CLCF1: variants seen among roughly 807,000 people sequenced by gnomAD.
The protein encoded by CLCF1 is cardiotrophin-like cytokine factor 1.
CLCF1 carries 10 observed loss-of-function variants against 21.2 expected under a neutral mutation model. The observed-to-expected ratio is 0.47, with a 90% CI of 0.29 to 0.80. The LOEUF (loss-of-function observed/expected upper bound fraction) is 0.80. CLCF1 is among the 30% of genes least tolerant of loss of function. The pLI, the probability that CLCF1 is intolerant of heterozygous loss-of-function variation, is 0.09. For missense variants in CLCF1, 240 were observed against 293.4 expected (o/e 0.82, Z 1.33); for synonymous variants, 115 against 120.5 (o/e 0.95, Z 0.30).
chr11:67,365,582 G>T lies in CLCF1; in HGVS notation c.232C>A (p.Arg78Ser). ...CTGGGCAGAGTCTCTGCCCCCAGGCGGGGAGGGTTGAAGTCTGGCTCGTTG... is the reference window on the plus strand; with the variant it reads ...CTGGGCAGAGTCTCTGCCCCCAGGCTGGGAGGGTTGAAGTCTGGCTCGTTG... ...PFNEPDFNPPRLGAETLPRAT... is the reference protein window; with the variant it reads ...PFNEPDFNPPSLGAETLPRAT... Residue 78 changes from arginine to serine, a missense_variant, in exon 3 of 3, where the codon CGC becomes AGC. By Grantham distance (110) the Arg-to-Ser change is moderately radical. Coordinates refer to ENST00000312438, the MANE Select transcript of CLCF1 (RefSeq NM_013246.3). This position sits in a 1 kb window ranked among gnomAD's most constrained non-coding sequence, Gnocchi z 5.0. The T allele has an allele frequency of 1.2e-6, 2 of 1,613,802 alleles. No individual in the cohort carries two copies. The highest frequency in any genetic ancestry group is 8.5e-7 in the Non-Finnish European group (1 of 1,179,702).
chr11:67,367,751 G>A, intron 1 of CLCF1, 125 bp from the exon 2 acceptor site: 1 of 1,518,638 alleles, frequency 6.6e-7, no homozygotes, highest in Non-Finnish European at 8.8e-7. Flanking sequence ...ACACCAGATG[G>A]GAGGCAGAGG....
intron 1 of CLCF1, chr11:67,369,836 T>C (rs1862191452): frequency 1.0e-6 from 1 of 985,230 alleles, no homozygotes; most frequent in Non-Finnish European, 1.2e-6. Context: ...TTCTGAGCCC[T>C]GTGGGACATC....
chr11:67,373,312 G>A lies in CLCF1; in HGVS notation c.16+212C>T, dbSNP rs1323239708. Among the ~76,000 whole-genome samples, 5 of 151,904 alleles carry A rather than the reference G, an allele frequency of 3.3e-5. No homozygotes were observed. The South Asian group carries it at 6.2e-4, about 19-fold the overall frequency. On this transcript the variant is annotated intron_variant, in intron 1 of 2. Coordinates refer to ENST00000312438, the MANE Select transcript of CLCF1 (RefSeq NM_013246.3). ...ATCGTCCGGGCTCCCCGCCGCTCCC[G>A]GCCACCTCCTGGCCCCGCCGTGCGG...
At chr11:67,369,656 C>T (rs1590916273) in intron 1 of CLCF1, 6 of 985,326 alleles carry the variant, frequency 6.1e-6, no homozygotes, top group African/African-American at 1.7e-5. Context: ...CTTTCAGCAT[C>T]GAGTCTGGCT....
At chr11:67,371,072 G>T (rs1311945501) in intron 1 of CLCF1, 1 of 985,180 alleles carries the variant, frequency 1.0e-6, no homozygotes, top group African/African-American at 1.7e-5. Context: ...GTGAGGAGTG[G>T]GCTAGGGATG....
chr11:67,367,834 C>T, intron 1 of CLCF1: 1 of 985,408 alleles, frequency 1.0e-6, no homozygotes, highest in Non-Finnish European at 1.2e-6. Flanking sequence ...AGGATGAGGA[C>T]TTGGCACGCA....
In CLCF1 at chr11:67,365,212, T is replaced by A; in HGVS notation, c.602A>T (p.Asp201Val). The A allele has an allele frequency of 6.2e-7, 1 of 1,613,968 alleles. No individual in the cohort carries two copies. The highest frequency in any genetic ancestry group is 8.5e-7 in the Non-Finnish European group (1 of 1,180,010). ...CATCTTCTTCTTGAGCCGGTTGAAG[T>A]CCTTGGCCGAGCGCCACAGCCAGGT... The part of the protein sequence containing the change: ...LQTWLWRSAK[D>V]FNRLKKKMQP... Residue 201 changes from aspartate to valine, a missense_variant, in exon 3 of 3, where the codon GAC (aspartate) becomes GTC (valine). By Grantham distance (152) the Asp-to-Val change is radical (BLOSUM62 -3). Transcript: ENST00000312438. The surrounding 1 kb of genome is among the most constrained non-coding windows in gnomAD (Gnocchi z 5.0).
At chr11:67,373,970 T>A, upstream of CLCF1, 1 of 936,886 alleles carries the variant, frequency 1.1e-6, no homozygotes, top group Non-Finnish European at 1.2e-6. Context: ...CGGGTGGGCT[T>A]CTCCCCAGGC....
At chr11:67,369,366 G>A (rs867907908) in intron 1 of CLCF1, 3 of 935,874 alleles carry the variant, frequency 3.2e-6, no homozygotes, top group Non-Finnish European at 3.6e-6. Flanking sequence ...AGAGAGTAGG[G>A]TCAGGCACTC....
At chr11:67,373,863 G>A, upstream of CLCF1, 1 of 983,318 alleles carries the variant, frequency 1.0e-6, no homozygotes. Context: ...GGTGAGGCGA[G>A]GCTGTGGCGG....
chr11:67,372,613 C>A lies in CLCF1; in HGVS notation c.16+911G>T, dbSNP rs1862261674. On this transcript the variant is annotated intron_variant, in intron 1 of 2. Coordinates refer to ENST00000312438, the MANE Select transcript of CLCF1 (RefSeq NM_013246.3). This position sits in a 1 kb window ranked among gnomAD's most constrained non-coding sequence, Gnocchi z 5.9. ...CCGCTCCCGCCCGGTCGCTCCTTCC[C>A]CGCGGCGGGGGCGGGGGCGGGGGCG... Among the ~76,000 whole-genome samples, 1 of 143,594 alleles carries A rather than the reference C, an allele frequency of 7.0e-6. No individual in the cohort carries two copies. The highest frequency in any genetic ancestry group is 1.5e-5 in the Non-Finnish European group (1 of 66,320). 94.2% of individuals were successfully genotyped at this position (143,594 alleles called of 152,430 possible).
chr11:67,365,214 C>T lies in CLCF1; in HGVS notation c.600G>A (p.Lys200=), dbSNP rs1565105523. The change falls in exon 3 of 3, where the codon AAG becomes AAA. Residue 200 remains lysine (K), a synonymous_variant. Transcript: ENST00000312438. This position sits in a 1 kb window ranked among gnomAD's most constrained non-coding sequence, Gnocchi z 5.0. ...ELQTWLWRSA[K]DFNRLKKKMQ... ...TCTTCTTCTTGAGCCGGTTGAAGTCCTTGGCCGAGCGCCACAGCCAGGTCT... is the reference window on the plus strand; with the variant it reads ...TCTTCTTCTTGAGCCGGTTGAAGTCTTTGGCCGAGCGCCACAGCCAGGTCT... 8.1e-6 allele frequency: 13 copies of T among 1,614,042 alleles called. 1 individual carries two copies. Among genetic ancestry groups the T allele is most frequent in the African/African-American group, 1.3e-5 (1 of 75,052 alleles).
rs189738604 is a variant in CLCF1, at chr11:67,368,384, C to T, written c.17-758G>A. 1.2e-4 allele frequency: 121 copies of T among 985,170 alleles called. No individual in the cohort carries two copies. In the African/African-American group the frequency reaches 2.0e-3, roughly 16 times the overall value. The allele number at this position is 985,170 out of a possible 1,614,324, so 61.0% of individuals were successfully genotyped here. On this transcript the variant is annotated intron_variant, in intron 1 of 2. Transcript: ENST00000312438. The stretch of plus-strand genomic sequence containing the variant: ...TCAATGAGGCCTTTCCATCAGCCTG[C>T]AAGGGTGGGGACAGGAAGGGAGAGA...
chr11:67,371,312 C>A (rs1862228231), intron 1 of CLCF1, among the ~76,000 whole-genome samples: 1 of 152,190 alleles, frequency 6.6e-6, no homozygotes, highest in East Asian at 1.9e-4. Flanking sequence ...AATTGGGAGA[C>A]CTAGCTTTGC....
chr11:67,365,703 C>T lies in CLCF1; in HGVS notation c.184-73G>A, dbSNP rs1862080822. On this transcript the variant is annotated intron_variant, in intron 2 of 2. Transcript: ENST00000312438. This position sits in a 1 kb window ranked among gnomAD's most constrained non-coding sequence, Gnocchi z 5.0. The stretch of plus-strand genomic sequence containing the variant: ...GCTCACCACCAAGGAGATACCTGCT[C>T]CCAAAGTTTCTATTTTTTGTGTCCC... 2 of 1,516,406 alleles carry T rather than the reference C, an allele frequency of 1.3e-6. No individual in the cohort carries two copies. The highest frequency in any genetic ancestry group is 2.3e-5 in the East Asian group (1 of 43,874). 93.9% of individuals were successfully genotyped at this position (1,516,406 alleles called of 1,614,324 possible). A position where few individuals can be genotyped will look rare whatever the true frequency, so the allele number is the denominator to read the frequency against.
chr11:67,367,414 C>T (rs143166489), intron 2 of CLCF1, 46 bp downstream of exon 2: 38 of 1,613,682 alleles, frequency 2.4e-5, no homozygotes, highest in Non-Finnish European at 3.0e-5. Context: ...CTTTCCCCAA[C>T]TCCTCACTCC....
intron 1 of CLCF1, chr11:67,368,033 C>G: frequency 1.0e-6 from 1 of 985,422 alleles, no homozygotes; most frequent in Non-Finnish European, 1.2e-6. Context: ...GTCTTCAGTC[C>G]CACTGCAGCT....
upstream of CLCF1, chr11:67,373,615 G>A: frequency 3.9e-6 from 5 of 1,284,692 alleles, no homozygotes; most frequent in South Asian, 2.4e-5. Context: ...CCGCGGCTCC[G>A]GCGAAGCTTT....
chr11:67,373,498 C>CT, intron 1 of CLCF1, 26 bp downstream of exon 1: 1 of 1,247,208 alleles, frequency 8.0e-7, no homozygotes, highest in Non-Finnish European at 1.1e-6. Context: ...GGGCGGGGGT[C>CT]GGGGCCTCGG....
Sources: allele counts gnomAD v4.1 joint callset (sites outside exome capture counted in the v4.1 genomes callset), GRCh38; gene constraint gnomAD v4.1.1; non-coding constraint Gnocchi (gnomAD v3.1); transcripts MANE v1.5; gene names NCBI Gene and HGNC (gene_info 2026-07-23, HGNC 2026-07-21).